ADISSP: variants seen among roughly 807,000 people sequenced by gnomAD.
ADISSP encodes the protein adipose-secreted signaling protein.
At chr20:3,765,888 C>A in the ADISSP span, among the ~76,000 whole-genome samples, 3 of 151,890 alleles carry the variant, frequency 2.0e-5, no homozygotes, top group Non-Finnish European at 4.4e-5. Context: ...TGCCTCCCCG[C>A]CAGCAAAAAA....
the ADISSP span, among the ~76,000 whole-genome samples, chr20:3,758,161 C>G: frequency 6.6e-6 from 1 of 152,240 alleles, no homozygotes; most frequent in African/African-American, 2.4e-5. This position sits in a 1 kb window ranked among gnomAD's most constrained non-coding sequence, Gnocchi z 5.5. Context: ...CACACCAACT[C>G]TAGGGGATGT....
At chr20:3,753,799 A>G in the ADISSP span, 1 of 544,500 alleles carries the variant, frequency 1.8e-6, no homozygotes, top group Non-Finnish European at 3.3e-6. Flanking sequence ...TCCCTTCCTC[A>G]GACAGCCTCC....
the ADISSP span, among the ~76,000 whole-genome samples, chr20:3,756,935 A>G: frequency 6.6e-6 from 1 of 152,222 alleles, no homozygotes; most frequent in East Asian, 1.9e-4. Context: ...GAAGCAAGCA[A>G]AAACCAGTGT....
the ADISSP span, among the ~76,000 whole-genome samples, chr20:3,766,846 C>T: frequency 2.0e-5 from 3 of 152,172 alleles, no homozygotes; most frequent in Admixed American, 6.5e-5. Flanking sequence ...AGAAAAATGC[C>T]CTACCTCCAC....
At chr20:3,760,137 C>T in the ADISSP span, 24 of 1,524,646 alleles carry the variant, frequency 1.6e-5, no homozygotes, top group Admixed American at 6.7e-5. Context: ...TGCCAGACAC[C>T]GCCACTCACG....
the ADISSP span, among the ~76,000 whole-genome samples, chr20:3,762,641 C>T: frequency 6.6e-6 from 1 of 152,228 alleles, no homozygotes. Flanking sequence ...CGTGAGCCGC[C>T]AGGCCTGGCA....
At chr20:3,755,271 T>A in the ADISSP span, among the ~76,000 whole-genome samples, 1 of 152,078 alleles carries the variant, frequency 6.6e-6, no homozygotes, top group East Asian at 1.9e-4. Context: ...CAGGGAAGTA[T>A]GAGCTCATGG....
the ADISSP span, chr20:3,758,520 G>A: frequency 6.2e-7 from 1 of 1,607,812 alleles, no homozygotes; most frequent in Admixed American, 1.7e-5. The surrounding 1 kb of genome is among the most constrained non-coding windows in gnomAD (Gnocchi z 5.5). Context: ...TGCTGATGGG[G>A]TAGGTGTGCA....
the ADISSP span, chr20:3,760,233 A>AC: frequency 4.4e-6 from 3 of 678,186 alleles, no homozygotes; most frequent in Non-Finnish European, 2.6e-6. Flanking sequence ...CCACTCATGG[A>AC]CCCATGGCTC....
At chr20:3,754,280 G>T in the ADISSP span, 1 of 1,481,934 alleles carries the variant, frequency 6.7e-7, no homozygotes, top group South Asian at 1.2e-5. Flanking sequence ...CAAGGAGGTT[G>T]AGAACCCCTG....
the ADISSP span, chr20:3,767,672 T>A: frequency 6.5e-6 from 1 of 154,602 alleles, no homozygotes; most frequent in Non-Finnish European, 1.4e-5. Flanking sequence ...CCTTGCGGGG[T>A]GCACCCCGGG....
chr20:3,764,976 G>C, the ADISSP span, among the ~76,000 whole-genome samples: 1 of 152,218 alleles, frequency 6.6e-6, no homozygotes, highest in Non-Finnish European at 1.5e-5. Context: ...TGCCTGCTTT[G>C]AGAGGGACAT....
chr20:3,760,275 A>T, the ADISSP span: 1 of 598,722 alleles, frequency 1.7e-6, no homozygotes, highest in Non-Finnish European at 3.0e-6. Flanking sequence ...TTTAGGAAGG[A>T]CTCAAACCCC....
chr20:3,761,787 C>G, the ADISSP span, among the ~76,000 whole-genome samples: 1 of 152,182 alleles, frequency 6.6e-6, no homozygotes, highest in Non-Finnish European at 1.5e-5. Flanking sequence ...CACAGCATCA[C>G]TGACAAGGGA....
chr20:3,754,416 C>T, the ADISSP span: 386 of 1,613,888 alleles, frequency 2.4e-4, 9 homozygotes, highest in South Asian at 2.8e-3. Context: ...GGGCCTGCAC[C>T]GTCACGCGCA....
the ADISSP span, among the ~76,000 whole-genome samples, chr20:3,757,500 G>A: frequency 6.6e-6 from 1 of 152,198 alleles, no homozygotes; most frequent in Non-Finnish European, 1.5e-5. Context: ...ATTTTGCAAT[G>A]AGGGGAGAGA....
the ADISSP span, chr20:3,754,218 C>T: frequency 1.3e-6 from 2 of 1,535,928 alleles, no homozygotes; most frequent in Non-Finnish European, 1.8e-6. Flanking sequence ...ATGCGGCCCA[C>T]TAAGGGGACC....
the ADISSP span, among the ~76,000 whole-genome samples, chr20:3,756,053 A>C: frequency 3.3e-5 from 5 of 152,206 alleles, no homozygotes; most frequent in Non-Finnish European, 7.3e-5. Flanking sequence ...ACCTGTCCCC[A>C]TCACTGCCAG....
chr20:3,759,979 A>G, the ADISSP span: 60 of 1,558,444 alleles, frequency 3.8e-5, 1 homozygote, highest in Middle Eastern at 6.7e-4. The surrounding 1 kb of genome is among the most constrained non-coding windows in gnomAD (Gnocchi z 4.6). Flanking sequence ...ACATGCACAC[A>G]CACACACACA....
Sources: gnomAD v4.1 joint callset for allele counts (sites outside exome capture counted in the v4.1 genomes callset) on GRCh38, gnomAD v4.1.1 for gene constraint, Gnocchi (gnomAD v3.1) non-coding constraint, MANE v1.5 for transcripts, NCBI Gene and HGNC (gene_info 2026-07-23, HGNC 2026-07-21) for gene names.